Variants in SLC4A4 observed in about 807,000 individuals in gnomAD.
SLC4A4 encodes electrogenic sodium bicarbonate cotransporter 1.
In SLC4A4, 27 loss-of-function variants were observed where a neutral mutation model predicts 111.5. The observed-to-expected ratio is 0.24, with a 90% confidence interval of 0.18 to 0.33. The LOEUF (loss-of-function observed/expected upper bound fraction) is 0.33, where lower values mean the gene tolerates loss of function less well. Ranked by LOEUF, SLC4A4 falls within the 10% of genes least tolerant of loss-of-function variation. The pLI is 1.00. For missense variants in SLC4A4, 909 were observed against 1,315.5 expected (o/e 0.69, Z 4.78); for synonymous variants, 443 against 463.4 (o/e 0.96, Z 0.57).
chr4:71,540,289 G>A (rs1734921669), intron 18 of SLC4A4, among the ~76,000 whole-genome samples: 1 of 152,084 alleles, frequency 6.6e-6, no homozygotes, highest in South Asian at 2.1e-4. Flanking sequence ...TATCAACTAT[G>A]TACCACATGT....
intron 16 of SLC4A4, among the ~76,000 whole-genome samples, chr4:71,516,983 T>G (rs1732463024): frequency 6.6e-6 from 1 of 152,192 alleles, no homozygotes; most frequent in East Asian, 1.9e-4. Flanking sequence ...GTTGGAACTC[T>G]CTTGTATGTG....
Position 71,225,156 on chromosome 4 carries a change from A to T in SLC4A4, c.-1-11420A>T, listed in dbSNP as rs550694512. Among the ~76,000 whole-genome samples, 3 of 152,278 alleles carry T rather than the reference A, an allele frequency of 2.0e-5. No homozygotes were observed. In the South Asian group the frequency reaches 6.2e-4, roughly 32 times the overall value. ...CACCTGAGGTCAGTAGTTGGAGACCAGCCTGGCCAACATGGTGAAACCCCA... is the reference window on the plus strand; with the variant it reads ...CACCTGAGGTCAGTAGTTGGAGACCTGCCTGGCCAACATGGTGAAACCCCA... On this transcript the variant is annotated intron_variant, in intron 1 of 25. Coordinates refer to ENST00000264485, the MANE Select transcript of SLC4A4 (RefSeq NM_001098484.3).
intron 6 of SLC4A4, among the ~76,000 whole-genome samples, chr4:71,395,978 A>G (rs993893107): frequency 3.9e-5 from 6 of 152,156 alleles, no homozygotes; most frequent in South Asian, 2.1e-4. Flanking sequence ...TTTGTTTTTA[A>G]ATGTCAAGTG....
At chr4:71,471,121 C>T (rs1181758890) in intron 13 of SLC4A4, among the ~76,000 whole-genome samples, 2 of 151,952 alleles carry the variant, frequency 1.3e-5, no homozygotes, top group African/African-American at 4.8e-5. Context: ...ATCATAGGAA[C>T]AGTCATGTCT....
intron 16 of SLC4A4, among the ~76,000 whole-genome samples, chr4:71,515,680 G>T (rs1223955685): frequency 6.6e-6 from 1 of 152,072 alleles, no homozygotes; most frequent in Non-Finnish European, 1.5e-5. Flanking sequence ...TTTTAGAATT[G>T]TTATATCCTC....
intron 1 of SLC4A4, among the ~76,000 whole-genome samples, chr4:71,064,405 C>T (rs1343717440): frequency 6.6e-6 from 1 of 152,158 alleles, no homozygotes; most frequent in African/African-American, 2.4e-5. Flanking sequence ...ACAGTTGCTG[C>T]AGAGCCCATT....
chr4:71,176,824 G>C (rs1194832161), intron 2 of SLC4A4, among the ~76,000 whole-genome samples: 1 of 152,040 alleles, frequency 6.6e-6, no homozygotes, highest in African/African-American at 2.4e-5. Flanking sequence ...AGGAAATACA[G>C]AGAACACCAC....
intron 3 of SLC4A4, among the ~76,000 whole-genome samples, chr4:71,259,056 G>A (rs1179862912): frequency 6.6e-6 from 1 of 152,140 alleles, no homozygotes; most frequent in East Asian, 1.9e-4. Flanking sequence ...CAGAGCCCAG[G>A]AGTTTGAAGC....
chr4:71,091,715 A>G lies in SLC4A4; in HGVS notation c.-64-1015A>G, dbSNP rs767189351. Among the ~76,000 whole-genome samples the G allele has an allele frequency of 2.0e-5, 3 of 152,278 alleles. No homozygotes were observed. The South Asian group carries it at 6.2e-4, about 32-fold the overall frequency. On this transcript the variant is annotated intron_variant, in intron 1 of 26. Transcript: ENST00000649996. ...AACTTCTTTCACAGGGACAGAAAATAAAGAGATCCCATCTTTGGGAAATAC... is the reference window on the plus strand; with the variant it reads ...AACTTCTTTCACAGGGACAGAAAATGAAGAGATCCCATCTTTGGGAAATAC...
chr4:71,555,745 A>G (rs1736412370), intron 21 of SLC4A4, among the ~76,000 whole-genome samples: 1 of 151,952 alleles, frequency 6.6e-6, no homozygotes, highest in African/African-American at 2.4e-5. Context: ...CTTTTAATAA[A>G]ATCATTATCA....
intron 17 of SLC4A4, among the ~76,000 whole-genome samples, chr4:71,533,655 A>G (rs967795005): frequency 6.6e-6 from 1 of 151,952 alleles, no homozygotes; most frequent in Non-Finnish European, 1.5e-5. Flanking sequence ...TTCATATGTA[A>G]AATAAGAGAC....
At chr4:71,388,897 A>G (rs1185473407) in intron 6 of SLC4A4, among the ~76,000 whole-genome samples, 3 of 152,176 alleles carry the variant, frequency 2.0e-5, no homozygotes, top group Non-Finnish European at 4.4e-5. Flanking sequence ...CCAGTGTAAT[A>G]TTATTAGAAT....
chr4:71,127,269 G>A (rs1362288600), intron 2 of SLC4A4, among the ~76,000 whole-genome samples: 1 of 151,942 alleles, frequency 6.6e-6, no homozygotes, highest in African/African-American at 2.4e-5. Context: ...GCCCATGCTA[G>A]CGAGGGGTCC....
At chr4:71,248,503 G>A (rs1041154653) in intron 2 of SLC4A4, among the ~76,000 whole-genome samples, 1 of 151,618 alleles carries the variant, frequency 6.6e-6, no homozygotes, top group Non-Finnish European at 1.5e-5. Context: ...TTTTGCTAGA[G>A]CAAAGTTAAC....
chr4:71,075,542 A>G (rs2885783), intron 1 of SLC4A4, among the ~76,000 whole-genome samples: 134,441 of 152,188 alleles, frequency 0.88, 59,740 homozygotes, highest in Non-Finnish European at 0.94. Flanking sequence ...AACATGCCAA[A>G]CCCACTGTTG....
At chr4:71,299,002 A>C (rs1222010701) in intron 3 of SLC4A4, among the ~76,000 whole-genome samples, 1 of 152,234 alleles carries the variant, frequency 6.6e-6, no homozygotes, top group African/African-American at 2.4e-5. Flanking sequence ...GTTTATTTTC[A>C]TAACAGCTTT....
intron 21 of SLC4A4, 110 bp from the exon 22 acceptor site, chr4:71,557,602 A>C (rs888550103): frequency 2.1e-5 from 23 of 1,089,628 alleles, no homozygotes; most frequent in Non-Finnish European, 3.0e-5. Context: ...GTCCTCTGAA[A>C]AGGACACTGC....
chr4:71,377,611 A>G (rs2148944681), intron 6 of SLC4A4, among the ~76,000 whole-genome samples: 1 of 152,194 alleles, frequency 6.6e-6, no homozygotes, highest in Admixed American at 6.5e-5. Context: ...TTTCTTTCTT[A>G]CTCATGCTAC....
chr4:71,458,769 T>C (rs1212304529), intron 12 of SLC4A4, among the ~76,000 whole-genome samples: 6 of 152,078 alleles, frequency 3.9e-5, no homozygotes, highest in African/African-American at 1.4e-4. Flanking sequence ...TTATGTGTAA[T>C]TTATAACAGC....
Sources: allele counts gnomAD v4.1 joint callset (sites outside exome capture counted in the v4.1 genomes callset), GRCh38; gene constraint gnomAD v4.1.1; transcripts MANE v1.5; gene names NCBI Gene and HGNC (gene_info 2026-07-23, HGNC 2026-07-21).